GMDS: variants seen among roughly 807,000 people sequenced by gnomAD.
GMDS encodes GDP-mannose 4,6 dehydratase.
GMDS carries 20 observed loss-of-function variants against 49.9 expected under a neutral mutation model. The ratio of observed to expected loss-of-function variants is 0.40; its 90% CI spans 0.28 to 0.58. The LOEUF (loss-of-function observed/expected upper bound fraction) is 0.58, where lower values mean the gene tolerates loss of function less well. Ranked by LOEUF, GMDS falls within the 20% of genes least tolerant of loss-of-function variation. The pLI is 0.42. For missense variants in GMDS, 362 were observed against 481.4 expected (o/e 0.75, Z 2.32); for synonymous variants, 177 against 178.6 (o/e 0.99, Z 0.07).
intron 6 of GMDS, chr6:1,930,835 T>C (rs764785646): frequency 9.8e-5 from 15 of 152,326 alleles, no homozygotes; most frequent in African/African-American, 2.9e-4. Flanking sequence ...TGATATGATA[T>C]GGCCCCTGGG....
chr6:1,821,842 T>G (rs968970943), intron 7 of GMDS, among the ~76,000 whole-genome samples: 7 of 152,082 alleles, frequency 4.6e-5, no homozygotes, highest in African/African-American at 1.7e-4. Flanking sequence ...GGGCTCAGTC[T>G]TGCGGCGGGG....
intron 1 of GMDS, among the ~76,000 whole-genome samples, chr6:2,192,951 C>A (rs775233652): frequency 1.9e-4 from 29 of 152,212 alleles, no homozygotes; most frequent in Non-Finnish European, 3.8e-4. Context: ...CCCCAAAGAT[C>A]CTGTAACACT....
At chr6:1,685,050 A>C (rs1764927127) in intron 9 of GMDS, among the ~76,000 whole-genome samples, 1 of 152,128 alleles carries the variant, frequency 6.6e-6, no homozygotes, top group South Asian at 2.1e-4. Context: ...ACCTTAAAAA[A>C]AAGGTAGACT....
chr6:2,222,115 A>C (rs1276544473), intron 1 of GMDS, among the ~76,000 whole-genome samples: 1 of 152,236 alleles, frequency 6.6e-6, no homozygotes, highest in Non-Finnish European at 1.5e-5. Context: ...TAGTATGCTG[A>C]AGTCTGATAA....
intron 7 of GMDS, among the ~76,000 whole-genome samples, chr6:1,763,204 G>A (rs1156997464): frequency 6.6e-6 from 1 of 152,202 alleles, no homozygotes; most frequent in African/African-American, 2.4e-5. Context: ...ATCCAGAAAC[G>A]TGAAAAGAAA....
intron 7 of GMDS, among the ~76,000 whole-genome samples, chr6:1,850,887 T>C: frequency 6.6e-6 from 1 of 152,214 alleles, no homozygotes; most frequent in Non-Finnish European, 1.5e-5. Context: ...GGCAGCCCAC[T>C]GACTTGTGTT....
chr6:1,871,287 A>C (rs1758732964), intron 7 of GMDS, among the ~76,000 whole-genome samples: 1 of 152,248 alleles, frequency 6.6e-6, no homozygotes, highest in South Asian at 2.1e-4. Flanking sequence ...ATGTGCAAGC[A>C]TAGAGATATA....
chr6:1,819,100 A>G (rs1770785710), intron 7 of GMDS, among the ~76,000 whole-genome samples: 1 of 152,144 alleles, frequency 6.6e-6, no homozygotes, highest in Non-Finnish European at 1.5e-5. Context: ...ACAGACTGCA[A>G]TCTAGAACAT....
Position 1,723,067 on chromosome 6 carries a change from G to A in GMDS, c.987+3349C>T, listed in dbSNP as rs151069053. Among the ~76,000 whole-genome samples the A allele has an allele frequency of 3.7e-3, 561 of 152,232 alleles. 8 individuals carry two copies. The highest frequency in any genetic ancestry group is 0.013 in the African/African-American group (529 of 41,528). On this transcript the variant is annotated intron_variant, in intron 9 of 10. Transcript: ENST00000380815. ...GAAAACTTCACACTGGTACAGAAGC[G>A]ATATTGAAGGTTTTGAGGCACTAAA...
intron 1 of GMDS, among the ~76,000 whole-genome samples, chr6:2,229,526 C>A (rs566033996): frequency 6.6e-6 from 1 of 151,900 alleles, no homozygotes; most frequent in Non-Finnish European, 1.5e-5. Context: ...GTCCAGGCTG[C>A]GGTAAGCAAA....
intron 1 of GMDS, among the ~76,000 whole-genome samples, chr6:2,142,099 ATTTAAG>A (rs1429830192): frequency 6.6e-6 from 1 of 152,120 alleles, no homozygotes; most frequent in Non-Finnish European, 1.5e-5. Context: ...AGACCTTACT[ATTTAAG>A]TTTTACTGCA....
intron 1 of GMDS, chr6:2,175,844 C>T (rs546194754): frequency 2.2e-5 from 16 of 719,572 alleles, no homozygotes; most frequent in South Asian, 1.5e-4. Flanking sequence ...CATGAACCCA[C>T]GTAAGTTCAT....
At chr6:1,683,233 C>T (rs1358347780) in intron 9 of GMDS, among the ~76,000 whole-genome samples, 2 of 152,294 alleles carry the variant, frequency 1.3e-5, no homozygotes, top group Non-Finnish European at 1.5e-5. Flanking sequence ...ACACCATTCT[C>T]CTGCCTCAGC....
intron 7 of GMDS, among the ~76,000 whole-genome samples, chr6:1,835,668 A>G (rs1756889783): frequency 6.6e-6 from 1 of 152,164 alleles, no homozygotes; most frequent in Non-Finnish European, 1.5e-5. Context: ...ATGGGCATAA[A>G]TATCATTTAA....
chr6:1,903,442 C>T (rs1760602413), intron 7 of GMDS, among the ~76,000 whole-genome samples: 1 of 152,172 alleles, frequency 6.6e-6, no homozygotes, highest in African/African-American at 2.4e-5. Context: ...TGGATAAGTC[C>T]TAATCCAAAA....
intron 8 of GMDS, among the ~76,000 whole-genome samples, chr6:1,736,940 G>A (rs952145035): frequency 1.3e-5 from 2 of 152,142 alleles, no homozygotes; most frequent in African/African-American, 2.4e-5. Context: ...CCACCCCCTG[G>A]AACCTGCTGC....
At chr6:2,142,967 A>G (rs1754277993) in intron 1 of GMDS, among the ~76,000 whole-genome samples, 1 of 152,088 alleles carries the variant, frequency 6.6e-6, no homozygotes, top group Non-Finnish European at 1.5e-5. Context: ...TGGAACTCAC[A>G]ATTCTAAATG....
intron 1 of GMDS, among the ~76,000 whole-genome samples, chr6:2,234,665 A>C (rs1278326775): frequency 1.3e-5 from 2 of 152,114 alleles, no homozygotes; most frequent in Admixed American, 6.5e-5. Context: ...AAAAGACATA[A>C]ATTTTCTGAC....
chr6:2,122,850 C>T (rs1279635166), intron 2 of GMDS, among the ~76,000 whole-genome samples: 4 of 152,176 alleles, frequency 2.6e-5, no homozygotes, highest in Admixed American at 6.5e-5. Flanking sequence ...TATCAGTTCA[C>T]GGATCTCTCT....
Sources: gnomAD v4.1 joint callset for allele counts (sites outside exome capture counted in the v4.1 genomes callset) on GRCh38, gnomAD v4.1.1 for gene constraint, MANE v1.5 for transcripts, NCBI Gene and HGNC (gene_info 2026-07-23, HGNC 2026-07-21) for gene names.